Variants in CNTNAP2 observed in about 807,000 individuals in gnomAD.
CNTNAP2 encodes contactin associated protein 2, also known as contactin-associated protein-like 2.
In CNTNAP2, 98 loss-of-function variants were observed where a neutral mutation model predicts 155.2. The observed-to-expected ratio is 0.63, with a 90% CI of 0.54 to 0.75. The LOEUF is 0.75. CNTNAP2 is among the 30% of genes least tolerant of loss of function. The probability of loss-of-function intolerance (pLI) is 0.00; values close to 1 mark genes in which losing one functional copy is unlikely to be tolerated. For synonymous variants in CNTNAP2, 651 were observed against 631.2 expected, an observed-to-expected ratio of 1.03 and a Z score of -0.47; for missense variants, 1,727 against 1,688.1, an observed-to-expected ratio of 1.02 and a Z score of -0.40.
chr7:147,877,380 G>A (rs1443787780), intron 13 of CNTNAP2, among the ~76,000 whole-genome samples: 1 of 152,086 alleles, frequency 6.6e-6, no homozygotes, highest in African/African-American at 2.4e-5. Context: ...TAAACATTAT[G>A]AACACCATAT....
chr7:146,746,172 A>C (rs559082039), intron 1 of CNTNAP2, among the ~76,000 whole-genome samples: 15 of 152,348 alleles, frequency 9.8e-5, no homozygotes, highest in Non-Finnish European at 2.1e-4. Context: ...TTGTTGCACA[A>C]GGTTAATCCT....
At chr7:146,354,812 G>A (rs1336164164) in intron 1 of CNTNAP2, among the ~76,000 whole-genome samples, 1 of 152,180 alleles carries the variant, frequency 6.6e-6, no homozygotes, top group Non-Finnish European at 1.5e-5. Flanking sequence ...CACGAAGGAG[G>A]AGAAAGAAAT....
At chr7:147,107,020 G>A (rs1324601650) in intron 4 of CNTNAP2, among the ~76,000 whole-genome samples, 2 of 152,142 alleles carry the variant, frequency 1.3e-5, no homozygotes, top group African/African-American at 2.4e-5. Flanking sequence ...AAAACCTAGA[G>A]GCTAGCTTTG....
intron 18 of CNTNAP2, among the ~76,000 whole-genome samples, chr7:148,205,075 T>C (rs1165360571): frequency 6.6e-6 from 1 of 152,192 alleles, no homozygotes; most frequent in Non-Finnish European, 1.5e-5. Flanking sequence ...ATCAACAAAC[T>C]CACAAGTGCC....
chr7:146,768,136 A>G (rs1802230260), intron 1 of CNTNAP2, among the ~76,000 whole-genome samples: 1 of 152,008 alleles, frequency 6.6e-6, no homozygotes, highest in South Asian at 2.1e-4. Context: ...AATTTAGACA[A>G]AATTTGGCTT....
chr7:147,395,429 C>T (rs1796797351), intron 9 of CNTNAP2, among the ~76,000 whole-genome samples, 180 bp from the exon 10 acceptor site: 1 of 151,964 alleles, frequency 6.6e-6, no homozygotes, highest in Non-Finnish European at 1.5e-5. Flanking sequence ...TGACTTCTTC[C>T]TCTGTAATAA....
chr7:146,944,618 C>T (rs1797121849), intron 3 of CNTNAP2, among the ~76,000 whole-genome samples: 1 of 152,138 alleles, frequency 6.6e-6, no homozygotes, highest in Non-Finnish European at 1.5e-5. Context: ...GGGGCTCACA[C>T]CTGTAATGCC....
At chr7:147,669,849 A>G (rs1042149281) in intron 13 of CNTNAP2, among the ~76,000 whole-genome samples, 2 of 152,130 alleles carry the variant, frequency 1.3e-5, no homozygotes, top group African/African-American at 4.8e-5. Context: ...TTTATTCGCT[A>G]CCATAAACTA....
At chr7:146,243,909 T>G (rs1176606564) in intron 1 of CNTNAP2, among the ~76,000 whole-genome samples, 4 of 152,084 alleles carry the variant, frequency 2.6e-5, no homozygotes, top group African/African-American at 4.8e-5. Context: ...TATGGAGAGA[T>G]AATGGGCGAT....
intron 3 of CNTNAP2, among the ~76,000 whole-genome samples, chr7:146,934,999 T>G (rs1050361087): frequency 5.3e-5 from 8 of 152,230 alleles, no homozygotes; most frequent in African/African-American, 1.9e-4. Flanking sequence ...ACATTGATGA[T>G]GAAACCTTTA....
chr7:147,046,550 T>C (rs1235622318), intron 4 of CNTNAP2, among the ~76,000 whole-genome samples: 1 of 152,166 alleles, frequency 6.6e-6, no homozygotes, highest in Non-Finnish European at 1.5e-5. Flanking sequence ...TGGCTATTTA[T>C]ACAGAATTAC....
At chr7:148,342,599 A>T (rs1430412319) in intron 21 of CNTNAP2, among the ~76,000 whole-genome samples, 1 of 152,226 alleles carries the variant, frequency 6.6e-6, no homozygotes, top group African/African-American at 2.4e-5. Context: ...CATAGTCAAA[A>T]TTCATTTTTT....
intron 1 of CNTNAP2, among the ~76,000 whole-genome samples, chr7:146,722,266 A>G (rs1451695504): frequency 6.6e-6 from 1 of 152,058 alleles, no homozygotes; most frequent in Non-Finnish European, 1.5e-5. Context: ...GCTGAAAAGA[A>G]TGGTACCTGA....
intron 8 of CNTNAP2, among the ~76,000 whole-genome samples, chr7:147,135,892 T>A (rs1393656505): frequency 6.6e-6 from 1 of 151,856 alleles, no homozygotes; most frequent in South Asian, 2.1e-4. Flanking sequence ...TTGGAATTTT[T>A]AAAAGTTTTA....
At chr7:146,437,014 C>T (rs1019811355) in intron 1 of CNTNAP2, among the ~76,000 whole-genome samples, 1 of 151,448 alleles carries the variant, frequency 6.6e-6, no homozygotes, top group Non-Finnish European at 1.5e-5. Context: ...TGGTGTATGG[C>T]CTGTTAGGAA....
intron 2 of CNTNAP2, among the ~76,000 whole-genome samples, chr7:146,820,263 T>C (rs1187969644): frequency 6.6e-6 from 1 of 152,144 alleles, no homozygotes. Context: ...CACTGTCCTA[T>C]AAAAATAAAT....
At chr7:147,823,952 G>C (rs1423114968) in intron 13 of CNTNAP2, among the ~76,000 whole-genome samples, 3 of 152,120 alleles carry the variant, frequency 2.0e-5, no homozygotes, top group African/African-American at 7.2e-5. Flanking sequence ...CTATTTTACT[G>C]TCTCCCTGGC....
intron 1 of CNTNAP2, among the ~76,000 whole-genome samples, chr7:146,448,202 C>T (rs911178093): frequency 3.4e-4 from 51 of 152,068 alleles, no homozygotes; most frequent in African/African-American, 1.1e-3. Context: ...TTAAGAGGTG[C>T]CTCAGAAATC....
chr7:146,295,779 C>T (rs554789878), intron 1 of CNTNAP2, among the ~76,000 whole-genome samples: 18 of 150,054 alleles, frequency 1.2e-4, no homozygotes, highest in Non-Finnish European at 1.9e-4. Flanking sequence ...AAAATGAAAA[C>T]ATGAAAACTT....
Sources: gnomAD v4.1 joint callset for allele counts (sites outside exome capture counted in the v4.1 genomes callset) on GRCh38, gnomAD v4.1.1 for gene constraint, MANE v1.5 for transcripts, NCBI Gene and HGNC (gene_info 2026-07-23, HGNC 2026-07-21) for gene names.